MYO16: variants seen among roughly 807,000 people sequenced by gnomAD.
MYO16 encodes the protein myosin XVI, also known as unconventional myosin-XVI.
MYO16 carries 94 observed loss-of-function variants against 205.3 expected under a neutral mutation model. The ratio of observed to expected loss-of-function variants is 0.46; its 90% CI spans 0.39 to 0.54. The LOEUF (loss-of-function observed/expected upper bound fraction) is 0.54. Ranked by LOEUF, MYO16 falls within the 20% of genes least tolerant of loss-of-function variation. The pLI is 0.00. For missense variants in MYO16, 2,315 were observed against 2,387.5 expected, an observed-to-expected ratio of 0.97 and a Z score of 0.63; for synonymous variants, 988 against 954.0, an observed-to-expected ratio of 1.04 and a Z score of -0.66.
intron 12 of MYO16, among the ~76,000 whole-genome samples, chr13:108,870,574 AG>A (rs1215079140): frequency 4.6e-5 from 7 of 151,932 alleles, no homozygotes; most frequent in Non-Finnish European, 1.5e-5. Context: ...TACATAGGAC[AG>A]TTCATATTCT....
At chr13:108,976,622 C>T (rs943684666) in intron 20 of MYO16, among the ~76,000 whole-genome samples, 6 of 152,070 alleles carry the variant, frequency 3.9e-5, no homozygotes, top group Admixed American at 2.0e-4. Flanking sequence ...TTATGCATTA[C>T]TGTATCAATT....
intron 4 of MYO16, among the ~76,000 whole-genome samples, chr13:108,765,652 G>A (rs950907080): frequency 6.6e-6 from 1 of 152,134 alleles, no homozygotes; most frequent in Non-Finnish European, 1.5e-5. Context: ...AGATACACAC[G>A]CTTTGCCCGG....
the MYO16 span, among the ~76,000 whole-genome samples, chr13:108,542,984 A>G: frequency 6.6e-6 from 1 of 152,020 alleles, no homozygotes; most frequent in East Asian, 1.9e-4. Context: ...CATCAACCTG[A>G]AGCTGAATAC....
chr13:108,742,412 G>A (rs542579066), intron 4 of MYO16, among the ~76,000 whole-genome samples: 7 of 152,106 alleles, frequency 4.6e-5, no homozygotes, highest in South Asian at 2.1e-4. Context: ...ATTTTTATAT[G>A]TACTCAGTTA....
intron 33 of MYO16, among the ~76,000 whole-genome samples, chr13:109,177,388 T>C (rs1355939105): frequency 6.6e-6 from 1 of 152,236 alleles, no homozygotes; most frequent in Non-Finnish European, 1.5e-5. Context: ...GTTTTTAACC[T>C]TAATTTAATT....
At chr13:108,906,236 C>G (rs748952429) in intron 15 of MYO16, among the ~76,000 whole-genome samples, 1 of 152,142 alleles carries the variant, frequency 6.6e-6, no homozygotes, top group Admixed American at 6.6e-5. Flanking sequence ...TGTCCAGAGT[C>G]CCCCTGAGGA....
intron 7 of MYO16, among the ~76,000 whole-genome samples, chr13:108,807,957 T>C (rs1887164946): frequency 6.6e-6 from 1 of 152,224 alleles, no homozygotes; most frequent in Non-Finnish European, 1.5e-5. Context: ...ACTGTTCTAT[T>C]GTAAAGTGTC....
chr13:109,147,697 T>C lies in MYO16; in HGVS notation c.5164+6321T>C, dbSNP rs534457071. On this transcript the variant is annotated intron_variant, in intron 32 of 34. Transcript: ENST00000457511. Reference sequence around the variant, plus strand: ...GTGTGTGGGGAGTTGGGGGTGGGAGTGCTCATGAAAATTAGAAAAAGTGTG... The same window carrying C: ...GTGTGTGGGGAGTTGGGGGTGGGAGCGCTCATGAAAATTAGAAAAAGTGTG... Among the ~76,000 whole-genome samples the C allele has an allele frequency of 1.1e-4, 16 of 152,150 alleles. No individual in the cohort carries two copies. The East Asian group carries it at 2.1e-3, about 20-fold the overall frequency.
chr13:108,887,878 T>C (rs1422201586), intron 13 of MYO16, among the ~76,000 whole-genome samples: 1 of 151,984 alleles, frequency 6.6e-6, no homozygotes, highest in Non-Finnish European at 1.5e-5. Context: ...ACGTCTCTCC[T>C]GTAAGGCCCA....
At position 109,141,456 on chromosome 13, in the gene MYO16, A is replaced by T; in HGVS notation, c.5164+80A>T. The T allele has an allele frequency of 1.0e-6, 1 of 989,844 alleles. No homozygotes were observed. The highest frequency in any genetic ancestry group is 1.4e-6 in the Non-Finnish European group (1 of 724,618). 61.3% of individuals were successfully genotyped at this position (989,844 alleles called of 1,614,324 possible). A position where few individuals can be genotyped will look rare whatever the true frequency, so the allele number is the denominator to read the frequency against. Reference sequence around the variant, plus strand: ...CACCTGTGTACATCCGTGTCTGCGCAGATGTGAAATAGTAAAGTTTCAGGT... The same window carrying T: ...CACCTGTGTACATCCGTGTCTGCGCTGATGTGAAATAGTAAAGTTTCAGGT... On this transcript the variant is annotated intron_variant, in intron 32 of 34. Coordinates refer to ENST00000457511, the MANE Select transcript of MYO16 (RefSeq NM_001198950.3). This position sits in a 1 kb window ranked among gnomAD's most constrained non-coding sequence, Gnocchi z 4.1.
chr13:108,540,491 G>A, the MYO16 span, among the ~76,000 whole-genome samples: 1 of 152,198 alleles, frequency 6.6e-6, no homozygotes, highest in South Asian at 2.1e-4. Flanking sequence ...CACACTGAGT[G>A]ATTGTATGGT....
rs367712905 is a variant in MYO16 at position 109,040,361 on chromosome 13, T to TACACACAC, written c.2797-6537_2797-6530dup. 7.5e-4 allele frequency among the ~76,000 whole-genome samples: 85 copies of TACACACAC among 112,938 alleles called. 1 individual carries two copies. The highest frequency in any genetic ancestry group is 2.8e-3 in the African/African-American group (80 of 29,002). The allele number at this position is 112,938 out of a possible 152,430, so 74.1% of individuals were successfully genotyped here. A position where few individuals can be genotyped will look rare whatever the true frequency, so the allele number is the denominator to read the frequency against. On this transcript the variant is annotated intron_variant, in intron 23 of 34. Transcript: ENST00000457511. ...CACCAAAACCACACAGACAGTAGCATACACACACACACACACACACACACA... is the reference window on the plus strand; with the variant it reads ...CACCAAAACCACACAGACAGTAGCATACACACACACACACACACACACACACACACACA...
At chr13:109,171,499 T>A (rs2139894031) in intron 33 of MYO16, among the ~76,000 whole-genome samples, 1 of 152,356 alleles carries the variant, frequency 6.6e-6, no homozygotes, top group Non-Finnish European at 1.5e-5. Flanking sequence ...TATCTGTTTG[T>A]TCATTTGTTG....
chr13:108,738,640 A>G (rs927650743), intron 4 of MYO16, among the ~76,000 whole-genome samples: 92 of 152,258 alleles, frequency 6.0e-4, no homozygotes, highest in Non-Finnish European at 9.6e-4. Flanking sequence ...AGTTCTGTAG[A>G]TGTCTATTAG....
chr13:108,802,134 A>T (rs898794544), intron 6 of MYO16, among the ~76,000 whole-genome samples: 9 of 152,218 alleles, frequency 5.9e-5, no homozygotes, highest in African/African-American at 2.2e-4. Flanking sequence ...TAACATGTAT[A>T]ATACATTTTT....
chr13:108,904,754 C>T (rs965675006), intron 15 of MYO16, among the ~76,000 whole-genome samples: 4 of 152,142 alleles, frequency 2.6e-5, no homozygotes, highest in African/African-American at 7.2e-5. Flanking sequence ...AAACTTCCAA[C>T]ACCCACTCTC....
intron 2 of MYO16, among the ~76,000 whole-genome samples, chr13:108,683,156 G>T (rs868377974): frequency 6.6e-6 from 1 of 152,074 alleles, no homozygotes; most frequent in East Asian, 1.9e-4. Flanking sequence ...TCTTCTGTAC[G>T]CCTACAGGCA....
intron 16 of MYO16, among the ~76,000 whole-genome samples, chr13:108,913,638 A>G (rs768859916): frequency 6.6e-6 from 1 of 152,232 alleles, no homozygotes; most frequent in African/African-American, 2.4e-5. Flanking sequence ...ATTGGTACCC[A>G]TAGGTAAAGG....
At chr13:108,653,009 G>A (rs1298470390) in intron 1 of MYO16, among the ~76,000 whole-genome samples, 1 of 152,150 alleles carries the variant, frequency 6.6e-6, no homozygotes, top group Non-Finnish European at 1.5e-5. Flanking sequence ...TCCCAACAGT[G>A]AACAAGTGTT....
Sources: allele counts gnomAD v4.1 joint callset (sites outside exome capture counted in the v4.1 genomes callset), GRCh38; gene constraint gnomAD v4.1.1; non-coding constraint Gnocchi (gnomAD v3.1); transcripts MANE v1.5; gene names NCBI Gene and HGNC (gene_info 2026-07-23, HGNC 2026-07-21).